The following SLC25A26 variants were observed in gnomAD, a reference collection of about 807,000 sequenced individuals.
The protein encoded by SLC25A26 is solute carrier family 25 member 26.
A neutral mutation model predicts 37.8 loss-of-function variants in SLC25A26; 36 were observed. The ratio of observed to expected loss-of-function variants is 0.95; its 90% CI spans 0.73 to 1.26. The LOEUF (loss-of-function observed/expected upper bound fraction) is 1.26. Among genes scored for constraint, SLC25A26 ranks in the 50% most tolerant of loss-of-function variants. The pLI is 0.00. For missense variants in SLC25A26, 390 were observed against 331.1 expected, an observed-to-expected ratio of 1.18 and a Z score of -1.38; for synonymous variants, 129 against 122.5, an observed-to-expected ratio of 1.05 and a Z score of -0.35.
At chr3:66,153,013 T>C (rs1268537500) in intron 1 of SLC25A26, among the ~76,000 whole-genome samples, 1 of 152,168 alleles carries the variant, frequency 6.6e-6, no homozygotes, top group Non-Finnish European at 1.5e-5. Flanking sequence ...AAAAGACCCT[T>C]GAGGGTTTCT....
intron 1 of SLC25A26, among the ~76,000 whole-genome samples, chr3:66,150,551 T>C (rs1471329515): frequency 7.9e-6 from 1 of 126,930 alleles, no homozygotes; most frequent in East Asian, 2.2e-4. Context: ...ATATAAAATA[T>C]ATATAATGAT....
At chr3:66,233,954 C>G (rs2072153216) in intron 1 of SLC25A26, among the ~76,000 whole-genome samples, 1 of 152,030 alleles carries the variant, frequency 6.6e-6, no homozygotes, top group Admixed American at 6.6e-5. Context: ...TGAATTCTCT[C>G]CTAAGATTAA....
chr3:66,166,838 C>G (rs2070431618), intron 1 of SLC25A26, among the ~76,000 whole-genome samples: 1 of 152,166 alleles, frequency 6.6e-6, no homozygotes, highest in Non-Finnish European at 1.5e-5. Context: ...CCACCCAAAA[C>G]TCATCTTGAA....
chr3:66,375,645 A>T (rs1330949872), intron 9 of SLC25A26, among the ~76,000 whole-genome samples: 6 of 152,310 alleles, frequency 3.9e-5, no homozygotes, highest in Admixed American at 3.3e-4. Context: ...TCTTTACAGC[A>T]TGCTTTCTTG....
intron 1 of SLC25A26, among the ~76,000 whole-genome samples, chr3:66,179,029 G>C (rs369838876): frequency 3.3e-5 from 5 of 152,104 alleles, no homozygotes; most frequent in African/African-American, 1.2e-4. Flanking sequence ...TTATCTGTAC[G>C]TTTTGTCATA....
At chr3:66,324,832 T>C (rs989911060) in intron 5 of SLC25A26, among the ~76,000 whole-genome samples, 2 of 152,134 alleles carry the variant, frequency 1.3e-5, no homozygotes, top group African/African-American at 4.8e-5. Flanking sequence ...TTATATTCTC[T>C]GTCTTTTGGG....
chr3:66,283,458 T>C (rs2074411618), intron 5 of SLC25A26, among the ~76,000 whole-genome samples: 1 of 152,092 alleles, frequency 6.6e-6, no homozygotes, highest in Non-Finnish European at 1.5e-5. Context: ...TTTTTGTATT[T>C]TTTTGTAGAG....
At chr3:66,305,078 C>T (rs1027937846) in intron 5 of SLC25A26, among the ~76,000 whole-genome samples, 1 of 152,112 alleles carries the variant, frequency 6.6e-6, no homozygotes, top group East Asian at 1.9e-4. Flanking sequence ...CTGCGAAAAG[C>T]CAAAAGCATT....
At chr3:66,289,331 G>T (rs560731329) in intron 5 of SLC25A26, among the ~76,000 whole-genome samples, 1 of 152,226 alleles carries the variant, frequency 6.6e-6, no homozygotes, top group South Asian at 2.1e-4. Context: ...AGTTTAATTA[G>T]ATCCCCTTTG....
intron 1 of SLC25A26, among the ~76,000 whole-genome samples, chr3:66,156,821 T>G (rs1480056800): frequency 6.6e-6 from 1 of 152,080 alleles, no homozygotes; most frequent in African/African-American, 2.4e-5. Context: ...GTAGAGGGAA[T>G]GTAGTGGGTG....
In SLC25A26 at chr3:66,254,648, AT is replaced by A. The variant is rs1185562617; in HGVS notation, c.301-7402del. ...GTAAGTATGACATCTTTATTGAAAA[AT>A]AATTCTGGAGATGATAGTCAGAACA... is the stretch of plus-strand genomic sequence containing the variant. On this transcript the variant is annotated intron_variant, in intron 3 of 9. Coordinates refer to ENST00000354883, the MANE Select transcript of SLC25A26 (RefSeq NM_001379210.1). 3.9e-5 allele frequency among the ~76,000 whole-genome samples: 6 copies of A among 152,390 alleles called. No homozygotes were observed. The South Asian group carries it at 1.2e-3, about 32-fold the overall frequency.
At chr3:66,313,741 C>T (rs948876264) in intron 5 of SLC25A26, among the ~76,000 whole-genome samples, 1 of 152,116 alleles carries the variant, frequency 6.6e-6, no homozygotes. Flanking sequence ...ACTGATTCTT[C>T]CTATCCATGA....
chr3:66,211,291 G>A (rs1559578829), intron 1 of SLC25A26, among the ~76,000 whole-genome samples: 1 of 152,180 alleles, frequency 6.6e-6, no homozygotes, highest in South Asian at 2.1e-4. Context: ...CTTTGGAGTG[G>A]AGGCCTGCTG....
chr3:66,355,233 C>T (rs949591337), intron 6 of SLC25A26, among the ~76,000 whole-genome samples: 2 of 152,006 alleles, frequency 1.3e-5, no homozygotes, highest in Non-Finnish European at 2.9e-5. Flanking sequence ...CCAGCACAAT[C>T]ATTAGTTCAA....
intron 5 of SLC25A26, chr3:66,304,376 A>G (rs1456370290): frequency 6.6e-6 from 3 of 453,598 alleles, no homozygotes; most frequent in Non-Finnish European, 1.3e-5. Context: ...TATCTAAGCT[A>G]ATATCTTCCC....
At chr3:66,367,101 G>C (rs2076840448) in intron 7 of SLC25A26, among the ~76,000 whole-genome samples, 1 of 152,196 alleles carries the variant, frequency 6.6e-6, no homozygotes. Flanking sequence ...AGTGCCTGCT[G>C]TGAGTGTGCT....
intron 1 of SLC25A26, among the ~76,000 whole-genome samples, chr3:66,226,875 G>C (rs2071778845): frequency 2.6e-3 from 1 of 380 alleles, no homozygotes; most frequent in Non-Finnish European, 8.5e-3. Flanking sequence ...AAAACGCTTT[G>C]GTTGTAATAT....
intron 1 of SLC25A26, among the ~76,000 whole-genome samples, chr3:66,206,603 G>C: frequency 6.6e-6 from 1 of 152,180 alleles, no homozygotes; most frequent in Middle Eastern, 3.4e-3. Flanking sequence ...TTTTTTGGGA[G>C]AGTAAGTAAA....
At chr3:66,305,619 C>A (rs1345064579) in intron 5 of SLC25A26, among the ~76,000 whole-genome samples, 1 of 152,104 alleles carries the variant, frequency 6.6e-6, no homozygotes, top group East Asian at 1.9e-4. Context: ...TCCCCCCACC[C>A]CACCCTGTGA....
Sources: gnomAD v4.1 joint callset for allele counts (sites outside exome capture counted in the v4.1 genomes callset) on GRCh38, gnomAD v4.1.1 for gene constraint, MANE v1.5 for transcripts, NCBI Gene and HGNC (gene_info 2026-07-23, HGNC 2026-07-21) for gene names.